RARB: variants seen among roughly 807,000 people sequenced by gnomAD.
RARB encodes retinoic acid receptor beta, also known as HBV-activated protein.
Under a neutral mutation model 51.9 loss-of-function variants are expected in RARB, and 17 were observed. The ratio of observed to expected loss-of-function variants is 0.33; its 90% CI spans 0.22 to 0.49. The LOEUF (loss-of-function observed/expected upper bound fraction) is 0.49, where lower values mean the gene tolerates loss of function less well. RARB is among the 20% of genes least tolerant of loss of function. The pLI is 0.99. For missense variants in RARB, 369 were observed against 550.8 expected (o/e 0.67, Z 3.30); for synonymous variants, 215 against 195.4 (o/e 1.10, Z -0.84).
chr3:25,081,609 ATATATATATATATTTTTTTTTTTT>A (rs1310522707), intron 3 of RARB, among the ~76,000 whole-genome samples: 2 of 10,194 alleles, frequency 2.0e-4, no homozygotes, highest in East Asian at 5.6e-3. Flanking sequence ...ATATATATAT[ATATATATATATATTTTTTTTTTTT>A]TTTTTTTTTT....
intron 3 of RARB, among the ~76,000 whole-genome samples, chr3:25,509,347 G>T (rs1198656292): frequency 1.3e-5 from 2 of 152,226 alleles, no homozygotes; most frequent in Non-Finnish European, 2.9e-5. Context: ...GAGAGTGGTT[G>T]TCTGCTACTG....
At chr3:25,151,976 T>G (rs543844293) in intron 4 of RARB, among the ~76,000 whole-genome samples, 9 of 152,100 alleles carry the variant, frequency 5.9e-5, no homozygotes, top group Non-Finnish European at 1.2e-4. Flanking sequence ...AGAGGGAAAA[T>G]GACATTCTTC....
intron 5 of RARB, among the ~76,000 whole-genome samples, chr3:25,306,804 C>G (rs1391333383): frequency 6.6e-6 from 1 of 152,172 alleles, no homozygotes; most frequent in African/African-American, 2.4e-5. Flanking sequence ...TGATTATGAG[C>G]TAAACATGCT....
rs1694859177 is a variant in RARB at position 25,455,465 on chromosome 3, C to A, written c.158-5728C>A. 2.0e-5 allele frequency among the ~76,000 whole-genome samples: 3 copies of A among 152,318 alleles called. No homozygotes were observed. In the South Asian group the frequency reaches 6.2e-4, roughly 32 times the overall value. ...AACATTGATTTAAAAGCAATGAGTCCCATGACTAATTTATTGTACAAGGAA... is the reference window on the plus strand; with the variant it reads ...AACATTGATTTAAAAGCAATGAGTCACATGACTAATTTATTGTACAAGGAA... On this transcript the variant is annotated intron_variant, in intron 1 of 7. Transcript: ENST00000330688.
At chr3:25,171,643 TAAA>T (rs770248970) in intron 4 of RARB, among the ~76,000 whole-genome samples, 6 of 45,462 alleles carry the variant, frequency 1.3e-4, no homozygotes, top group Admixed American at 3.4e-4. Context: ...CCCTGGTTGG[TAAA>T]AAAAAAAAAA....
At chr3:25,130,510 G>GTA (rs1395527952) in intron 3 of RARB, among the ~76,000 whole-genome samples, 8 of 151,904 alleles carry the variant, frequency 5.3e-5, no homozygotes, top group Non-Finnish European at 8.8e-5. Flanking sequence ...GGCCAGATTA[G>GTA]TAATGGACCA....
chr3:25,388,092 T>C (rs1250090566), intron 5 of RARB, among the ~76,000 whole-genome samples: 1 of 152,184 alleles, frequency 6.6e-6, no homozygotes, highest in Non-Finnish European at 1.5e-5. Flanking sequence ...ATTTTACCTA[T>C]ATGTTGATTT....
intron 3 of RARB, among the ~76,000 whole-genome samples, chr3:25,103,731 A>G (rs578040682): frequency 5.3e-5 from 8 of 152,228 alleles, no homozygotes; most frequent in Non-Finnish European, 1.2e-4. Context: ...TTGCTACTAT[A>G]AAGTGCATCA....
rs569120127 is a variant in RARB at position 25,375,358 on chromosome 3, C to T, written c.179-85835C>T. 1.3e-4 allele frequency among the ~76,000 whole-genome samples: 20 copies of T among 152,276 alleles called. No homozygotes were observed. The East Asian group carries it at 3.5e-3, about 26-fold the overall frequency. On this transcript the variant is annotated intron_variant, in intron 5 of 11. Transcript: ENST00000383772. Reference sequence around the variant, plus strand: ...TGAGGACAGTGGGTGTTGTAGGAAACACCACAGCCATCAATCCCTAACTCT... The same window carrying T: ...TGAGGACAGTGGGTGTTGTAGGAAATACCACAGCCATCAATCCCTAACTCT...
rs545760225 is a variant in RARB, at chr3:24,859,714, C to T, written c.-380+962C>T. Among the ~76,000 whole-genome samples the T allele has an allele frequency of 5.3e-5, 8 of 152,224 alleles. No homozygotes were observed. In the South Asian group the frequency reaches 8.3e-4, roughly 16 times the overall value. On this transcript the variant is annotated intron_variant, in intron 2 of 11. Transcript: ENST00000383772. ...TGGGGACTTGGAAGTTTATATCATA[C>T]GTCTGCAAACATTTTCTGTAAAGGA...
chr3:25,420,981 C>G (rs112377311), intron 5 of RARB, among the ~76,000 whole-genome samples: 1,433 of 136,328 alleles, frequency 0.011, 27 homozygotes, highest in African/African-American at 0.033. Flanking sequence ...AGGCTCAACA[C>G]CACTTATGCC....
intron 5 of RARB, among the ~76,000 whole-genome samples, chr3:25,326,019 A>T (rs1432399049): frequency 6.6e-6 from 1 of 152,172 alleles, no homozygotes; most frequent in African/African-American, 2.4e-5. Context: ...TATATGAAAG[A>T]AGATAAGGAG....
chr3:25,239,928 A>G (rs561171376), intron 5 of RARB, among the ~76,000 whole-genome samples: 2 of 152,240 alleles, frequency 1.3e-5, no homozygotes, highest in East Asian at 3.9e-4. Context: ...ACGAGCATAG[A>G]TGCCTTTCCA....
chr3:25,279,734 G>A (rs942594025), intron 5 of RARB, among the ~76,000 whole-genome samples: 1 of 152,138 alleles, frequency 6.6e-6, no homozygotes, highest in Non-Finnish European at 1.5e-5. Flanking sequence ...GGTGAGGATG[G>A]TTGAGGACTA....
At chr3:25,147,048 C>A (rs1295507950) in intron 4 of RARB, among the ~76,000 whole-genome samples, 1 of 152,238 alleles carries the variant, frequency 6.6e-6, no homozygotes, top group South Asian at 2.1e-4. Context: ...TTTATCCAAG[C>A]TCTCCAGATG....
chr3:25,142,776 G>A (rs947208959), intron 4 of RARB, among the ~76,000 whole-genome samples: 2 of 152,090 alleles, frequency 1.3e-5, no homozygotes, highest in South Asian at 2.1e-4. Context: ...CAAATGGGCT[G>A]CAATCTATAG....
At chr3:24,838,327 A>G (rs570671967) in intron 1 of RARB, among the ~76,000 whole-genome samples, 13 of 152,136 alleles carry the variant, frequency 8.5e-5, no homozygotes, top group Non-Finnish European at 1.8e-4. Flanking sequence ...TTGATGAGTA[A>G]CTTTAATTAC....
chr3:25,510,759 A>T (rs2125619952), intron 3 of RARB, among the ~76,000 whole-genome samples: 1 of 152,380 alleles, frequency 6.6e-6, no homozygotes. Flanking sequence ...ATAAGACAGT[A>T]TGAACTCATT....
intron 2 of RARB, among the ~76,000 whole-genome samples, chr3:24,967,563 A>G (rs1575096166): frequency 6.6e-6 from 1 of 152,204 alleles, no homozygotes; most frequent in South Asian, 2.1e-4. Context: ...TAGAGAATGA[A>G]CTGGTTGACT....
Sources: gnomAD v4.1 joint callset for allele counts (sites outside exome capture counted in the v4.1 genomes callset) on GRCh38, gnomAD v4.1.1 for gene constraint, MANE v1.5 for transcripts, NCBI Gene and HGNC (gene_info 2026-07-23, HGNC 2026-07-21) for gene names.